TTC7B: variants seen among roughly 807,000 people sequenced by gnomAD.
TTC7B encodes tetratricopeptide repeat protein 7B.
TTC7B carries 28 observed loss-of-function variants against 106.8 expected under a neutral mutation model. The observed-to-expected ratio is 0.26, with a 90% confidence interval of 0.19 to 0.36. TTC7B has a LOEUF of 0.36. TTC7B is among the 10% of genes least tolerant of loss of function. The probability of loss-of-function intolerance (pLI) is 1.00; values close to 1 mark genes in which losing one functional copy is unlikely to be tolerated. For missense variants in TTC7B, 862 were observed against 1,076.4 expected, an observed-to-expected ratio of 0.80 and a Z score of 2.79; for synonymous variants, 405 against 430.6, an observed-to-expected ratio of 0.94 and a Z score of 0.74.
intron 5 of TTC7B, among the ~76,000 whole-genome samples, chr14:90,706,211 T>A (rs1212790271): frequency 6.6e-6 from 1 of 150,550 alleles, no homozygotes; most frequent in Non-Finnish European, 1.5e-5. Context: ...TTGCCCAGGC[T>A]GGGTGCAGTG....
intron 19 of TTC7B, among the ~76,000 whole-genome samples, chr14:90,558,737 G>A (rs1890438707): frequency 1.3e-5 from 2 of 152,200 alleles, no homozygotes; most frequent in African/African-American, 2.4e-5. Flanking sequence ...ACTGCAGGGC[G>A]ATTCTAGTGC....
rs1274865743 is a variant in TTC7B, at chr14:90,537,379, G to GT, written c.*3988_*3989insA. The stretch of plus-strand genomic sequence containing the variant: ...TTTTTTTTTTTTGTAGAGATGGGGG[G>GT]GGGGTCTCACCATGTTGCCCAGGCT... On this transcript the variant is annotated 3_prime_UTR_variant, in exon 20 of 20. Coordinates refer to ENST00000328459, the MANE Select transcript of TTC7B (RefSeq NM_001010854.2). 9.3e-5 allele frequency: 14 copies of GT among 149,754 alleles called. No homozygotes were observed. The highest frequency in any genetic ancestry group is 1.6e-4 in the Non-Finnish European group (11 of 67,560). 9.3% of individuals were successfully genotyped at this position (149,754 alleles called of 1,614,324 possible).
At chr14:90,603,834 C>G (rs1252250675) in intron 17 of TTC7B, among the ~76,000 whole-genome samples, 1 of 152,202 alleles carries the variant, frequency 6.6e-6, no homozygotes, top group Non-Finnish European at 1.5e-5. Flanking sequence ...GTTTTCCCCC[C>G]TCTAACTAAA....
chr14:90,678,890 T>G (rs558538567), intron 8 of TTC7B, among the ~76,000 whole-genome samples: 151 of 152,332 alleles, frequency 9.9e-4, no homozygotes, highest in South Asian at 1.9e-3. Flanking sequence ...TAATCTAAAA[T>G]GTACAGTCAT....
chr14:90,675,714 C>G (rs1320778087), intron 9 of TTC7B, among the ~76,000 whole-genome samples: 1 of 152,126 alleles, frequency 6.6e-6, no homozygotes, highest in Non-Finnish European at 1.5e-5. Context: ...GTATTTCATT[C>G]CCTGTCCTCG....
At chr14:90,732,042 C>G (rs539212703) in intron 4 of TTC7B, among the ~76,000 whole-genome samples, 122 of 152,156 alleles carry the variant, frequency 8.0e-4, no homozygotes, top group African/African-American at 2.2e-3. Context: ...AAAATAACCA[C>G]AGTTAACATT....
chr14:90,605,492 C>T, intron 17 of TTC7B: 6 of 971,754 alleles, frequency 6.2e-6, no homozygotes, highest in Non-Finnish European at 7.7e-6. Context: ...TTCTCTCTGA[C>T]AAGTCTGATG....
chr14:90,769,909 G>A (rs879151089), intron 3 of TTC7B, among the ~76,000 whole-genome samples: 9 of 152,228 alleles, frequency 5.9e-5, no homozygotes, highest in Admixed American at 5.2e-4. Flanking sequence ...AGCTATCCAG[G>A]GGGCTGAGGC....
intron 1 of TTC7B, among the ~76,000 whole-genome samples, chr14:90,803,950 G>T (rs1566896937): frequency 6.6e-6 from 1 of 152,208 alleles, no homozygotes; most frequent in Non-Finnish European, 1.5e-5. Flanking sequence ...CAGGCAGGGG[G>T]ATGTTATCAG....
intron 15 of TTC7B, among the ~76,000 whole-genome samples, chr14:90,640,434 T>C (rs1885124902): frequency 6.6e-6 from 1 of 151,930 alleles, no homozygotes; most frequent in Non-Finnish European, 1.5e-5. Context: ...ACACGAAAAA[T>C]CCATATACCT....
chr14:90,743,956 A>C (rs1889862208), intron 4 of TTC7B, among the ~76,000 whole-genome samples: 1 of 152,228 alleles, frequency 6.6e-6, no homozygotes, highest in Admixed American at 6.5e-5. Context: ...CTCTGCTCAG[A>C]GGCCCTCTTG....
chr14:90,720,407 T>C (rs1053069642), intron 5 of TTC7B, among the ~76,000 whole-genome samples: 1 of 152,204 alleles, frequency 6.6e-6, no homozygotes, highest in Non-Finnish European at 1.5e-5. Flanking sequence ...GTCTGGCTGC[T>C]CACCATTTTA....
chr14:90,550,952 C>G (rs1044522166), intron 19 of TTC7B, among the ~76,000 whole-genome samples: 10 of 152,200 alleles, frequency 6.6e-5, no homozygotes, highest in African/African-American at 2.2e-4. Context: ...CCTCTCCTTA[C>G]AGAGCATTAG....
chr14:90,711,555 G>A (rs939164985), intron 5 of TTC7B, among the ~76,000 whole-genome samples: 3 of 152,206 alleles, frequency 2.0e-5, no homozygotes, highest in African/African-American at 4.8e-5. Flanking sequence ...CCAAGTAGCT[G>A]GGATTACAGG....
chr14:90,547,518 G>A (rs1472628313), intron 19 of TTC7B, among the ~76,000 whole-genome samples: 1 of 152,246 alleles, frequency 6.6e-6, no homozygotes, highest in African/African-American at 2.4e-5. Context: ...TTTGGAGGCT[G>A]GACACTGTGG....
rs182061507 is a variant in TTC7B, at chr14:90,751,733, G to A, written c.446-6811C>T. 2.4e-4 allele frequency among the ~76,000 whole-genome samples: 36 copies of A among 152,110 alleles called. 1 individual carries two copies. Among genetic ancestry groups the A allele is most frequent in the Admixed American group, 1.7e-3 (26 of 15,276 alleles). On this transcript the variant is annotated intron_variant, in intron 3 of 19. Transcript: ENST00000328459. ...ACATGAGCCACTGGCCCCAGCCTAGGTAACACATTTTAAATAAATTAATGA... is the reference window on the plus strand; with the variant it reads ...ACATGAGCCACTGGCCCCAGCCTAGATAACACATTTTAAATAAATTAATGA...
At chr14:90,621,406 C>T (rs1294023933) in intron 15 of TTC7B, among the ~76,000 whole-genome samples, 3 of 151,186 alleles carry the variant, frequency 2.0e-5, no homozygotes, top group African/African-American at 7.4e-5. Flanking sequence ...GCAGAGGCCA[C>T]GTGGGTACAG....
chr14:90,695,585 G>T lies in TTC7B; in HGVS notation c.699-7C>A. 1 of 1,584,100 alleles carries T rather than the reference G, an allele frequency of 6.3e-7. No homozygotes were observed. Among genetic ancestry groups the T allele is most frequent in the Non-Finnish European group, 8.6e-7 (1 of 1,165,528 alleles). ...GACTCCTCTTGTCAAGTTCCTGTGTGGACACAGAATTTGACGGTTTTCATC... is the reference window on the plus strand; with the variant it reads ...GACTCCTCTTGTCAAGTTCCTGTGTTGACACAGAATTTGACGGTTTTCATC... On this transcript the variant is annotated splice_region_variant and splice_polypyrimidine_tract_variant and intron_variant, in intron 5 of 19. Transcript: ENST00000328459.
chr14:90,562,570 C>A (rs1890635830), intron 19 of TTC7B, among the ~76,000 whole-genome samples: 1 of 152,184 alleles, frequency 6.6e-6, no homozygotes, highest in Non-Finnish European at 1.5e-5. Context: ...CTAGACCTAC[C>A]ACCTACATTT....
Sources: allele counts gnomAD v4.1 joint callset (sites outside exome capture counted in the v4.1 genomes callset), GRCh38; gene constraint gnomAD v4.1.1; transcripts MANE v1.5; gene names NCBI Gene and HGNC (gene_info 2026-07-23, HGNC 2026-07-21).